RIPPLY1: variants seen among roughly 807,000 people sequenced by gnomAD.
The protein encoded by RIPPLY1 is protein ripply1.
In RIPPLY1, 10 loss-of-function variants were observed where a neutral mutation model predicts 8.7. The observed-to-expected ratio is 1.15, with a 90% confidence interval of 0.71 to 1.94. The LOEUF is 1.94. Ranked by LOEUF, RIPPLY1 falls within the 30% of genes most tolerant of loss-of-function variation. The pLI, the probability that RIPPLY1 is intolerant of heterozygous loss-of-function variation, is 0.00. For synonymous variants in RIPPLY1, 54 were observed against 44.8 expected (o/e 1.20, Z -0.82); for missense variants, 118 against 108.7 (o/e 1.09, Z -0.38).
intron 3 of RIPPLY1, 138 bp from the exon 4 acceptor site, chrX:106,901,046 T>G (rs1933085242): frequency 2.0e-6 from 2 of 1,007,846 alleles, no homozygotes; most frequent in South Asian, 2.8e-5. Flanking sequence ...AGAAAGAAAG[T>G]TTTGTAACAG....
Position 106,903,313 on chromosome X carries a change from T to G in RIPPLY1, c.-26A>C. The stretch of plus-strand genomic sequence containing the variant: ...TCTTAGGGGACCAAAGCCAGTGGGG[T>G]CTCCTACTTCCCAGAACCTTCTGCA... On this transcript the variant is annotated 5_prime_UTR_variant, in exon 1 of 4. Transcript: ENST00000276173. The G allele has an allele frequency of 8.5e-7, 1 of 1,173,969 alleles. No individual in the cohort carries two copies. The highest frequency in any genetic ancestry group is 1.1e-6 in the Non-Finnish European group (1 of 875,180).
At chrX:106,902,557 T>A (rs1424337445) in intron 1 of RIPPLY1, among the ~76,000 whole-genome samples, 1 of 111,368 alleles carries the variant, frequency 9.0e-6, no homozygotes, top group Non-Finnish European at 1.9e-5. Flanking sequence ...ATGTTTGGAG[T>A]AATGAGTGGG....
rs1933108907 is a variant in RIPPLY1 at position 106,902,151 on chromosome X, G to A, written c.220C>T (p.Leu74=). The part of the protein sequence containing the change: ...TNDSPRQMRK[L]VDLAAGGATA... ...GGGCTCGAACTCACCAAATCCACCAGCTTCCTCATCTGCCTTGGGGAGTCA... is the reference window on the plus strand; with the variant it reads ...GGGCTCGAACTCACCAAATCCACCAACTTCCTCATCTGCCTTGGGGAGTCA... The change falls in exon 2 of 4, where the codon CTG becomes TTG. Residue 74 remains leucine (L), a synonymous_variant. Coordinates refer to ENST00000276173, the MANE Select transcript of RIPPLY1 (RefSeq NM_138382.3). 8.4e-7 allele frequency: 1 copy of A among 1,195,124 alleles called. No homozygotes were observed. Among genetic ancestry groups the A allele is most frequent in the Admixed American group, 2.3e-5 (1 of 44,105 alleles).
At chrX:106,902,006 G>T in intron 2 of RIPPLY1, 134 bp downstream of exon 2, 1 of 504,733 alleles carries the variant, frequency 2.0e-6, no homozygotes, top group Non-Finnish European at 3.3e-6. Context: ...GGAATCAAAT[G>T]TTGGCAAAAC....
Position 106,900,908 on chromosome X carries a change from C to T in RIPPLY1, c.297G>A (p.Arg99=). The part of the protein sequence containing the change: ...KAESKFHHPV[R]LFWPKSRSFD... ...AGGAGCGGGATTTAGGCCAGAAGAG[C>T]CTGTGGACAGAGAAGAAACATGGCC... Residue 99 remains arginine (R), a splice_region_variant and synonymous_variant, in exon 4 of 4, where the codon AGG becomes AGA. Coordinates refer to ENST00000276173, the MANE Select transcript of RIPPLY1 (RefSeq NM_138382.3). 2 of 1,208,004 alleles carry T rather than the reference C, an allele frequency of 1.7e-6. No homozygotes were observed. The highest frequency in any genetic ancestry group is 2.2e-6 in the Non-Finnish European group (2 of 893,821).
In RIPPLY1 at chrX:106,900,066, C is replaced by T. The variant is rs1030953113; in HGVS notation, c.*683G>A. On this transcript the variant is annotated 3_prime_UTR_variant, in exon 4 of 4. Coordinates refer to ENST00000276173, the MANE Select transcript of RIPPLY1 (RefSeq NM_138382.3). ...TTCAGTTAAGAAATCAGCACAGTTCCAAGAAAAAGGAAAACACCATCCAGT... is the reference window on the plus strand; with the variant it reads ...TTCAGTTAAGAAATCAGCACAGTTCTAAGAAAAAGGAAAACACCATCCAGT... 3.6e-5 allele frequency: 4 copies of T among 112,287 alleles called. No individual in the cohort carries two copies. Among genetic ancestry groups the T allele is most frequent in the Non-Finnish European group, 7.5e-5 (4 of 53,238 alleles). 9.3% of individuals were successfully genotyped at this position (112,287 alleles called of 1,213,427 possible).
chrX:106,901,926 C>T (rs999468165), intron 2 of RIPPLY1, among the ~76,000 whole-genome samples: 10 of 112,099 alleles, frequency 8.9e-5, no homozygotes, highest in Non-Finnish European at 1.5e-4. Context: ...GCCCAGATCC[C>T]TTGCCCACTC....
In RIPPLY1 at chrX:106,903,139, C is replaced by T; in HGVS notation, c.149G>A (p.Ser50Asn). 1.7e-6 allele frequency: 2 copies of T among 1,211,191 alleles called. No homozygotes were observed. Among genetic ancestry groups the T allele is most frequent in the East Asian group, 3.0e-5 (1 of 33,832 alleles). The change falls in exon 1 of 4, where the codon AGT becomes AAT. Residue 50 changes from serine to asparagine, a missense_variant. Ser to Asn is a conservative substitution (Grantham distance 46). Transcript: ENST00000276173. ...LLSSGQEVNGSERGTCLWRPW... is the reference protein window; with the variant it reads ...LLSSGQEVNGNERGTCLWRPW... ...AAGGCTAAGCTCAACTTACCTTTCA[C>T]TCCCATTTACTTCTTGTCCAGAGGA...
intron 3 of RIPPLY1, 76 bp downstream of exon 3, chrX:106,901,398 C>G: frequency 1.0e-6 from 1 of 987,350 alleles, no homozygotes; most frequent in Non-Finnish European, 1.4e-6. Context: ...CCCTCTCCTG[C>G]TTCACAAGAC....
At position 106,900,769 on chromosome X, in the gene RIPPLY1, C is replaced by T; in HGVS notation, c.436G>A (p.Glu146Lys). 1 of 1,210,154 alleles carries T rather than the reference C, an allele frequency of 8.3e-7. No individual in the cohort carries two copies. The highest frequency in any genetic ancestry group is 1.7e-5 in the African/African-American group (1 of 57,781). ...GCCTCCTACTTCTCTTCTTCATCCT[C>T]CTGCTCTTCATCTTCCTCTTCTTCT... ...SEEEEEDEEQ[E>K]DEEEK The change falls in exon 4 of 4, where the codon GAG (glutamate) becomes AAG (lysine). Residue 146 changes from glutamate (E) to lysine (K), a missense_variant. By Grantham distance (56) the Glu-to-Lys change is moderately conservative. Coordinates refer to ENST00000276173, the MANE Select transcript of RIPPLY1 (RefSeq NM_138382.3).
At position 106,903,119 on chromosome X, in the gene RIPPLY1, T is replaced by C. The variant is rs5962774; in HGVS notation, c.155+14A>G. 41,756 of 1,208,840 alleles carry C rather than the reference T, an allele frequency of 0.035. 8,856 individuals carry two copies. In the African/African-American group the frequency reaches 0.64, roughly 18 times the overall value. ...AGCCTAAGTTCAGGTTGCCAAAGGC[T>C]AAGCTCAACTTACCTTTCACTCCCA... On this transcript the variant is annotated intron_variant, in intron 1 of 3. Coordinates refer to ENST00000276173, the MANE Select transcript of RIPPLY1 (RefSeq NM_138382.3).
chrX:106,900,576 A>C lies in RIPPLY1; in HGVS notation c.*173T>G. On this transcript the variant is annotated 3_prime_UTR_variant, in exon 4 of 4. Transcript: ENST00000276173. ...AGAAAGCTCTATCTGCTGGACTAAT[A>C]CTTCCGGCTAACTGATGTCTGTGAA... 1.1e-6 allele frequency: 1 copy of C among 885,711 alleles called. No individual in the cohort carries two copies. Among genetic ancestry groups the C allele is most frequent in the Admixed American group, 4.0e-5 (1 of 25,133 alleles). 73.0% of individuals were successfully genotyped at this position (885,711 alleles called of 1,213,427 possible).
intron 1 of RIPPLY1, 134 bp from the exon 2 acceptor site, chrX:106,902,349 C>T (rs1297573185): frequency 8.4e-6 from 4 of 474,200 alleles, no homozygotes; most frequent in Non-Finnish European, 1.5e-5. Context: ...GCTCCTGAGC[C>T]CATTCCAGGA....
chrX:106,900,995 C>T, intron 3 of RIPPLY1, 87 bp from the exon 4 acceptor site: 2 of 1,114,437 alleles, frequency 1.8e-6, no homozygotes, highest in Non-Finnish European at 2.4e-6. Flanking sequence ...GGCCCCTAAA[C>T]CCCTTCTCTT....
chrX:106,903,079 C>G, intron 1 of RIPPLY1, 54 bp downstream of exon 1: 1 of 1,184,057 alleles, frequency 8.4e-7, no homozygotes, highest in African/African-American at 1.7e-5. Context: ...TCCTTCCTCT[C>G]TCAGGAAGCT....
rs1014783530 is a variant in RIPPLY1 at position 106,902,218 on chromosome X, G to A, written c.156-3C>T. 1 of 1,164,803 alleles carries A rather than the reference G, an allele frequency of 8.6e-7. No homozygotes were observed. Among genetic ancestry groups the A allele is most frequent in the Non-Finnish European group, 1.2e-6 (1 of 866,205 alleles). On this transcript the variant is annotated splice_region_variant and splice_polypyrimidine_tract_variant and intron_variant, in intron 1 of 3. Transcript: ENST00000276173. ...AGGGCCTCCAGAGACAAGTTCCTCT[G>A]GGACAAAGAGGAGAGATCAATCCGT...
rs989830802 is a variant in RIPPLY1 at position 106,900,634 on chromosome X, TCTGGCTGC to T, written c.*107_*114del. ...CAGACAAACTGAACCCCAATCAGAC[TCTGGCTGC>T]CTCCATTTGGATAGGTTAGGGGTGA... On this transcript the variant is annotated 3_prime_UTR_variant, in exon 4 of 4. Transcript: ENST00000276173. 6.6e-6 allele frequency: 7 copies of T among 1,067,448 alleles called. No individual in the cohort carries two copies. In the African/African-American group the frequency reaches 1.3e-4, roughly 20 times the overall value. 88.0% of individuals were successfully genotyped at this position (1,067,448 alleles called of 1,213,427 possible). A position where few individuals can be genotyped will look rare whatever the true frequency, so the allele number is the denominator to read the frequency against.
At chrX:106,900,936 T>C (rs1304818719) in intron 3 of RIPPLY1, 28 bp from the exon 4 acceptor site, 2 of 1,199,641 alleles carry the variant, frequency 1.7e-6, no homozygotes, top group African/African-American at 3.5e-5. Flanking sequence ...ACATGGCCCC[T>C]AACAGGTGTC....
At chrX:106,901,715 G>T (rs1194807332) in intron 2 of RIPPLY1, among the ~76,000 whole-genome samples, 177 bp from the exon 3 acceptor site, 1 of 111,730 alleles carries the variant, frequency 9.0e-6, no homozygotes, top group Non-Finnish European at 1.9e-5. Flanking sequence ...GGTTCTGGTT[G>T]AAAAACAAGC....
Sources: allele counts gnomAD v4.1 joint callset (sites outside exome capture counted in the v4.1 genomes callset), GRCh38; gene constraint gnomAD v4.1.1; transcripts MANE v1.5; gene names NCBI Gene and HGNC (gene_info 2026-07-23, HGNC 2026-07-21).